The following LOXHD1 variants were observed in gnomAD, a reference collection of about 807,000 sequenced individuals.
The protein encoded by LOXHD1 is lipoxygenase homology PLAT domains 1.
Under a neutral mutation model 248.2 loss-of-function variants are expected in LOXHD1, and 205 were observed. That is an observed-to-expected ratio of 0.83 (90% confidence interval 0.74 to 0.93). LOXHD1 has a LOEUF of 0.93. Ranked by LOEUF, LOXHD1 falls within the 40% of genes least tolerant of loss-of-function variation. The pLI, the probability that LOXHD1 is intolerant of heterozygous loss-of-function variation, is 0.00. For missense variants in LOXHD1, 2,930 were observed against 2,971.6 expected, an observed-to-expected ratio of 0.99 and a Z score of 0.33; for synonymous variants, 1,113 against 1,162.8, an observed-to-expected ratio of 0.96 and a Z score of 0.87.
intron 37 of LOXHD1, among the ~76,000 whole-genome samples, chr18:46,494,651 C>T (rs12604175): frequency 0.057 from 8,654 of 152,148 alleles, 336 homozygotes; most frequent in Non-Finnish European, 0.079. Flanking sequence ...CTCAGCATAT[C>T]CACCAAACTG....
chr18:46,610,829 T>C lies in LOXHD1; in HGVS notation c.706A>G (p.Ile236Val). The change falls in exon 6 of 41, where the codon ATC (isoleucine) becomes GTC (valine). Residue 236 changes from isoleucine (I) to valine (V), a missense_variant. Coordinates refer to ENST00000642948, the MANE Select transcript of LOXHD1 (RefSeq NM_001384474.1). ...DAPDLGQLMK[I>V]NVGHNNKGGS... is the part of the protein sequence containing the mutation. ...CCCTTATTGTTGTGGCCAACATTGA[T>C]CTTCATCAGCTGCCCCAAATCCGGG... 2 of 1,551,752 alleles carry C rather than the reference T, an allele frequency of 1.3e-6. No individual in the cohort carries two copies. The highest frequency in any genetic ancestry group is 2.4e-5 in the East Asian group (1 of 40,924).
chr18:46,514,651 T>A lies in LOXHD1; in HGVS notation c.5399+3478A>T, dbSNP rs117353628. ...GTGTCTGTCCTCTGTTTCCATTCCCTTGAGCTCAGCCTCTTTCCATGCTCT... is the reference window on the plus strand; with the variant it reads ...GTGTCTGTCCTCTGTTTCCATTCCCATGAGCTCAGCCTCTTTCCATGCTCT... On this transcript the variant is annotated intron_variant, in intron 34 of 40. Transcript: ENST00000642948. Among the ~76,000 whole-genome samples the A allele has an allele frequency of 8.1e-3, 1,241 of 152,296 alleles. 9 individuals are homozygous for A. The highest frequency in any genetic ancestry group is 0.014 in the Non-Finnish European group (920 of 68,006).
At chr18:46,558,455 T>C (rs1348180414) in intron 20 of LOXHD1, among the ~76,000 whole-genome samples, 1 of 152,204 alleles carries the variant, frequency 6.6e-6, no homozygotes, top group African/African-American at 2.4e-5. Flanking sequence ...TAGTCCTCTA[T>C]AGAAATTTTT....
chr18:46,587,201 T>A (rs1473907025), intron 12 of LOXHD1, among the ~76,000 whole-genome samples: 1 of 152,236 alleles, frequency 6.6e-6, no homozygotes, highest in Non-Finnish European at 1.5e-5. Flanking sequence ...AGCCTTTGTA[T>A]AAATGAAGTT....
At chr18:46,569,687 G>A in intron 15 of LOXHD1, 49 bp from the exon 16 acceptor site, 3 of 1,463,264 alleles carry the variant, frequency 2.1e-6, no homozygotes, top group Middle Eastern at 1.9e-4. Flanking sequence ...AGTGCAGGGG[G>A]TGACAGGAAG....
intron 8 of LOXHD1, among the ~76,000 whole-genome samples, chr18:46,597,901 C>T (rs1425222402): frequency 6.6e-6 from 1 of 151,268 alleles, no homozygotes; most frequent in Non-Finnish European, 1.5e-5. Context: ...GGACAGGCGC[C>T]CGCCGCCACA....
At chr18:46,597,542 GCGCACA>G (rs1262066037) in intron 8 of LOXHD1, among the ~76,000 whole-genome samples, 3,500 of 61,020 alleles carry the variant, frequency 0.057, 62 homozygotes, top group Non-Finnish European at 0.079. Flanking sequence ...AGTGGTACAT[GCGCACA>G]CACACACACA....
At chr18:46,478,041 T>C (rs1321584162) in intron 40 of LOXHD1, 89 bp from the exon 41 acceptor site, 71 of 1,451,948 alleles carry the variant, frequency 4.9e-5, no homozygotes, top group Non-Finnish European at 6.2e-5. Context: ...TGCTCATCTA[T>C]AAATGATCCC....
chr18:46,555,973 G>A (rs1307327555), intron 21 of LOXHD1, among the ~76,000 whole-genome samples: 1 of 151,930 alleles, frequency 6.6e-6, no homozygotes, highest in Non-Finnish European at 1.5e-5. Context: ...CCCTGCTTGC[G>A]GACATCCATA....
intron 8 of LOXHD1, among the ~76,000 whole-genome samples, chr18:46,596,258 CA>C (rs2038255533): frequency 6.6e-6 from 1 of 152,248 alleles, no homozygotes; most frequent in African/African-American, 2.4e-5. Flanking sequence ...CTCATCACCA[CA>C]AAATAGCCAT....
chr18:46,636,981 A>T (rs2038900665), intron 4 of LOXHD1, among the ~76,000 whole-genome samples: 1 of 152,078 alleles, frequency 6.6e-6, no homozygotes, highest in African/African-American at 2.4e-5. Flanking sequence ...CTCCATCTCC[A>T]CTGAAAATAC....
At chr18:46,619,311 C>A (rs995376247) in intron 4 of LOXHD1, among the ~76,000 whole-genome samples, 1 of 152,190 alleles carries the variant, frequency 6.6e-6, no homozygotes, top group African/African-American at 2.4e-5. Flanking sequence ...CCTCTGCCCA[C>A]CTGTTCCCTA....
At chr18:46,503,141 A>G (rs1345556431) in intron 37 of LOXHD1, among the ~76,000 whole-genome samples, 2 of 152,226 alleles carry the variant, frequency 1.3e-5, no homozygotes, top group Non-Finnish European at 2.9e-5. Context: ...AGGCAGTGAC[A>G]TCTTGCCAGT....
chr18:46,534,704 C>A lies in LOXHD1; in HGVS notation c.4096-253G>T, dbSNP rs761207811. Among the ~76,000 whole-genome samples, 3 of 152,294 alleles carry A rather than the reference C, an allele frequency of 2.0e-5. No homozygotes were observed. The Middle Eastern group carries it at 0.01, about 518-fold the overall frequency. On this transcript the variant is annotated intron_variant, in intron 26 of 40. Transcript: ENST00000642948. ...ATCCACCTTCTCTGGGAGGGGGACC[C>A]CTCTTCAGCATGGAGCCCAGCTCCC...
intron 12 of LOXHD1, among the ~76,000 whole-genome samples, chr18:46,585,971 G>A (rs2038051481): frequency 6.6e-6 from 1 of 152,112 alleles, no homozygotes; most frequent in Non-Finnish European, 1.5e-5. Context: ...GATGTTTATG[G>A]CAGCATTATT....
chr18:46,507,655 G>A lies in LOXHD1; in HGVS notation c.5575C>T (p.Leu1859=). The A allele has an allele frequency of 6.4e-7, 1 of 1,551,736 alleles. No individual in the cohort carries two copies. The highest frequency in any genetic ancestry group is 2.4e-5 in the East Asian group (1 of 40,914). ...GTCTTCTTGCCCTTCCGCTGGGACA[G>A]CCAGTCTCCATAGTAGAACATGGTC... ...DLTMFYYGDW[L]SQRKGKKTLV... Residue 1859 remains leucine (L), a synonymous_variant, in exon 36 of 41, where the codon CTG becomes TTG. Transcript: ENST00000642948.
At chr18:46,491,111 T>A (rs60205746) in intron 37 of LOXHD1, among the ~76,000 whole-genome samples, 2,997 of 152,310 alleles carry the variant, frequency 0.02, 85 homozygotes, top group African/African-American at 0.068. Flanking sequence ...TTGGAAGGTG[T>A]CCAGGTGGAA....
intron 23 of LOXHD1, chr18:46,544,674 C>T: frequency 2.8e-6 from 1 of 362,852 alleles, no homozygotes; most frequent in Non-Finnish European, 5.7e-6. Context: ...AGCAACTTGC[C>T]CAATGTCACA....
intron 40 of LOXHD1, among the ~76,000 whole-genome samples, chr18:46,478,899 T>C (rs1263147673): frequency 6.6e-6 from 1 of 152,174 alleles, no homozygotes; most frequent in East Asian, 1.9e-4. Flanking sequence ...GGTCTCACCA[T>C]GCTTCCCAGG....
Sources: gnomAD v4.1 joint callset for allele counts (sites outside exome capture counted in the v4.1 genomes callset) on GRCh38, gnomAD v4.1.1 for gene constraint, MANE v1.5 for transcripts, NCBI Gene and HGNC (gene_info 2026-07-23, HGNC 2026-07-21) for gene names.